The following CSTL1 variants were observed in gnomAD, a reference collection of about 807,000 sequenced individuals.
CSTL1 encodes the protein cystatin-like 1.
CSTL1 carries 14 observed loss-of-function variants against 14.4 expected under a neutral mutation model. That is an observed-to-expected ratio of 0.97 (90% CI 0.64 to 1.52). CSTL1 has a LOEUF of 1.52. Among genes scored for constraint, CSTL1 ranks in the 40% most tolerant of loss-of-function variants. The pLI is 0.00. For missense variants in CSTL1, 170 were observed against 168.7 expected (o/e 1.01, Z -0.04); for synonymous variants, 72 against 67.5 (o/e 1.07, Z -0.33).
downstream of CSTL1, among the ~76,000 whole-genome samples, chr20:23,448,118 G>T (rs1987003930): frequency 6.6e-6 from 1 of 152,038 alleles, no homozygotes; most frequent in African/African-American, 2.4e-5. Context: ...TGATTTCTGA[G>T]ATTTTGGCAC....
chr20:23,443,461 C>T (rs1193235911), intron 2 of CSTL1, among the ~76,000 whole-genome samples: 1 of 152,126 alleles, frequency 6.6e-6, no homozygotes, highest in Non-Finnish European at 1.5e-5. Flanking sequence ...AATGCATGCC[C>T]CAAATCAATT....
the CSTL1 span, among the ~76,000 whole-genome samples, chr20:23,461,076 C>T: frequency 2.6e-5 from 4 of 152,214 alleles, no homozygotes; most frequent in Admixed American, 6.5e-5. Flanking sequence ...CCAACCCAAC[C>T]TTCAGCAACC....
At chr20:23,445,552 C>T (rs746462500), downstream of CSTL1, among the ~76,000 whole-genome samples, 9 of 152,202 alleles carry the variant, frequency 5.9e-5, no homozygotes, top group Non-Finnish European at 1.2e-4. Context: ...AGCTACCGCA[C>T]CCACCCAGCT....
Position 23,444,880 on chromosome 20 carries a change from G to A in CSTL1, c.*2G>A. ...CATGTGGGCAGAAACCTCAGATGAGGGCTCATATGATTGAGTTGTGCACTG... is the reference window on the plus strand; with the variant it reads ...CATGTGGGCAGAAACCTCAGATGAGAGCTCATATGATTGAGTTGTGCACTG... On this transcript the variant is annotated 3_prime_UTR_variant, in exon 4 of 4. Transcript: ENST00000347397. 6.3e-7 allele frequency: 1 copy of A among 1,592,480 alleles called. No individual in the cohort carries two copies. The highest frequency in any genetic ancestry group is 8.6e-7 in the Non-Finnish European group (1 of 1,160,396).
chr20:23,452,573 C>A, the CSTL1 span: 1 of 1,570,770 alleles, frequency 6.4e-7, no homozygotes, highest in South Asian at 1.1e-5. Flanking sequence ...GGCGGGAAGT[C>A]ATACACTCAC....
At chr20:23,445,537 G>A (rs894899998), downstream of CSTL1, among the ~76,000 whole-genome samples, 2 of 152,118 alleles carry the variant, frequency 1.3e-5, no homozygotes, top group Non-Finnish European at 2.9e-5. Context: ...GGGATTATAG[G>A]CGTGAGCTAC....
intron 1 of CSTL1, 63 bp downstream of exon 1, chr20:23,439,869 T>C (rs564532326): frequency 8.3e-6 from 2 of 242,226 alleles, no homozygotes; most frequent in African/African-American, 4.4e-5. Flanking sequence ...GTTCAGATAT[T>C]ACCTTCTCCG....
chr20:23,452,042 C>T, the CSTL1 span: 8 of 635,628 alleles, frequency 1.3e-5, no homozygotes, highest in African/African-American at 1.9e-5. Flanking sequence ...GGCGGATTAG[C>T]GGGCTCCTCT....
intron 2 of CSTL1, among the ~76,000 whole-genome samples, chr20:23,441,272 G>T (rs1293887990): frequency 6.6e-6 from 1 of 152,168 alleles, no homozygotes; most frequent in Non-Finnish European, 1.5e-5. Flanking sequence ...TATACAGAGG[G>T]TTTATTCTGG....
At chr20:23,453,391 C>T in the CSTL1 span, among the ~76,000 whole-genome samples, 1 of 152,096 alleles carries the variant, frequency 6.6e-6, no homozygotes, top group Non-Finnish European at 1.5e-5. Context: ...TCCCCAGTAC[C>T]GACAAGTCCT....
At chr20:23,457,730 A>G in the CSTL1 span, 1 of 152,184 alleles carries the variant, frequency 6.6e-6, no homozygotes, top group Admixed American at 6.5e-5. Context: ...TCAGTTACTA[A>G]CAATTTGGTC....
the CSTL1 span, among the ~76,000 whole-genome samples, chr20:23,456,416 A>G: frequency 2.0e-5 from 3 of 152,028 alleles, no homozygotes; most frequent in African/African-American, 7.3e-5. Flanking sequence ...CCATCTCACC[A>G]GCCATGGTTT....
chr20:23,456,392 C>A, the CSTL1 span, among the ~76,000 whole-genome samples: 13 of 152,208 alleles, frequency 8.5e-5, no homozygotes, highest in Non-Finnish European at 1.5e-5. Flanking sequence ...CACACCACAT[C>A]TCCTCTGCCT....
At chr20:23,439,915 T>C (rs1986784547) in intron 1 of CSTL1, 109 bp downstream of exon 1, 1 of 279,336 alleles carries the variant, frequency 3.6e-6, no homozygotes, top group East Asian at 7.6e-5. Flanking sequence ...GATGCTTCTC[T>C]ATCTACAACC....
chr20:23,448,503 A>G (rs895369580), downstream of CSTL1, among the ~76,000 whole-genome samples: 5 of 152,140 alleles, frequency 3.3e-5, no homozygotes, highest in African/African-American at 9.7e-5. Flanking sequence ...TAATTGTGAT[A>G]TTTTTCTGTG....
At chr20:23,448,844 G>A (rs1290816668), downstream of CSTL1, among the ~76,000 whole-genome samples, 4 of 152,240 alleles carry the variant, frequency 2.6e-5, no homozygotes, top group East Asian at 1.9e-4. Context: ...TGCCTGCTTC[G>A]TGTTAGGCAC....
chr20:23,450,267 A>G, the CSTL1 span: 1 of 383,828 alleles, frequency 2.6e-6, no homozygotes, highest in Admixed American at 4.3e-5. Flanking sequence ...ATGAAGGCAT[A>G]GGTGATAAGG....
At chr20:23,452,558 G>C in the CSTL1 span, 1 of 1,445,218 alleles carries the variant, frequency 6.9e-7, no homozygotes. Flanking sequence ...TCAGGCCTGG[G>C]GAGAGGCGGG....
downstream of CSTL1, among the ~76,000 whole-genome samples, chr20:23,446,478 G>A (rs1212541249): frequency 6.6e-6 from 1 of 151,854 alleles, no homozygotes; most frequent in East Asian, 1.9e-4. Context: ...GGATAGTCTT[G>A]ATCTCCTGAC....
Sources: allele counts gnomAD v4.1 joint callset (sites outside exome capture counted in the v4.1 genomes callset), GRCh38; gene constraint gnomAD v4.1.1; transcripts MANE v1.5; gene names NCBI Gene and HGNC (gene_info 2026-07-23, HGNC 2026-07-21).